Variants in SMAP1 observed in about 807,000 individuals in gnomAD.
The protein encoded by SMAP1 is stromal membrane-associated protein 1.
In SMAP1, 24 loss-of-function variants were observed where a neutral mutation model predicts 58.5. The ratio of observed to expected loss-of-function variants is 0.41; its 90% CI spans 0.30 to 0.58. SMAP1 has a LOEUF of 0.58. SMAP1 is among the 20% of genes least tolerant of loss of function. The pLI is 0.29. For synonymous variants in SMAP1, 216 were observed against 196.6 expected (o/e 1.10, Z -0.82); for missense variants, 563 against 566.3 (o/e 0.99, Z 0.06).
intron 1 of SMAP1, among the ~76,000 whole-genome samples, chr6:70,677,559 C>T (rs1484198800): frequency 6.7e-6 from 1 of 149,602 alleles, no homozygotes. Context: ...GCTGGTACTA[C>T]AGGCGCCCGC....
chr6:70,839,173 C>G (rs1221705611), intron 7 of SMAP1, among the ~76,000 whole-genome samples: 2 of 152,198 alleles, frequency 1.3e-5, no homozygotes, highest in Non-Finnish European at 2.9e-5. Flanking sequence ...TGTGGGTCAG[C>G]TAGGGCAGCT....
intron 7 of SMAP1, among the ~76,000 whole-genome samples, chr6:70,845,087 CAA>C (rs1770939298): frequency 6.6e-6 from 1 of 152,026 alleles, no homozygotes; most frequent in Non-Finnish European, 1.5e-5. Context: ...CATGCTCAGT[CAA>C]AAATGGTAAT....
intron 7 of SMAP1, among the ~76,000 whole-genome samples, chr6:70,849,114 A>G (rs994180803): frequency 6.6e-6 from 1 of 152,200 alleles, no homozygotes; most frequent in Non-Finnish European, 1.5e-5. Context: ...GCTCATCACA[A>G]GGATGCTCTG....
At chr6:70,701,904 T>C (rs1767645224) in intron 1 of SMAP1, among the ~76,000 whole-genome samples, 1 of 152,228 alleles carries the variant, frequency 6.6e-6, no homozygotes, top group Non-Finnish European at 1.5e-5. Context: ...TTGGTTCTGT[T>C]TGTTCATCTT....
intron 1 of SMAP1, among the ~76,000 whole-genome samples, chr6:70,703,718 T>C (rs758987655): frequency 6.6e-6 from 1 of 152,224 alleles, no homozygotes; most frequent in Non-Finnish European, 1.5e-5. Context: ...AAATATTCAG[T>C]GATGACTTTT....
At chr6:70,727,432 C>T (rs1186742227) in intron 1 of SMAP1, among the ~76,000 whole-genome samples, 1 of 152,148 alleles carries the variant, frequency 6.6e-6, no homozygotes, top group East Asian at 1.9e-4. Context: ...CATCAAATGC[C>T]ACTGTCTCTA....
chr6:70,717,251 G>A (rs1192165023), intron 1 of SMAP1, among the ~76,000 whole-genome samples: 4 of 152,192 alleles, frequency 2.6e-5, no homozygotes, highest in African/African-American at 9.7e-5. Flanking sequence ...TCCACACTAA[G>A]CTGGAGAGAG....
chr6:70,771,537 G>A (rs1280351871), intron 3 of SMAP1, among the ~76,000 whole-genome samples: 13 of 152,210 alleles, frequency 8.5e-5, no homozygotes, highest in Admixed American at 8.5e-4. Context: ...GACTCCGGGG[G>A]CGTAGGACCC....
chr6:70,850,008 A>C (rs182010052), intron 7 of SMAP1, among the ~76,000 whole-genome samples: 26 of 152,344 alleles, frequency 1.7e-4, no homozygotes, highest in African/African-American at 6.3e-4. Flanking sequence ...AAGACTTCAG[A>C]AACCAAGTAA....
At chr6:70,814,500 C>G (rs1053890141) in intron 6 of SMAP1, among the ~76,000 whole-genome samples, 1 of 152,094 alleles carries the variant, frequency 6.6e-6, no homozygotes, top group Non-Finnish European at 1.5e-5. Context: ...TTGAAACTTT[C>G]CCTTTTAGAT....
At chr6:70,797,672 A>G (rs942586950) in intron 5 of SMAP1, among the ~76,000 whole-genome samples, 2 of 152,084 alleles carry the variant, frequency 1.3e-5, no homozygotes, top group Non-Finnish European at 2.9e-5. Flanking sequence ...CAAATGGCAG[A>G]TTTACTTTGA....
chr6:70,725,653 A>G (rs1000793650), intron 1 of SMAP1, among the ~76,000 whole-genome samples: 3 of 152,166 alleles, frequency 2.0e-5, no homozygotes, highest in Non-Finnish European at 2.9e-5. Flanking sequence ...GGCATCCACT[A>G]CTATGATGCT....
intron 6 of SMAP1, among the ~76,000 whole-genome samples, chr6:70,821,716 A>T (rs989134396): frequency 1.1e-4 from 17 of 152,306 alleles, no homozygotes; most frequent in African/African-American, 3.8e-4. Context: ...AGATGATAGT[A>T]ACTTTATTTT....
chr6:70,677,407 TCTTGAATCCCATAC>T (rs1462520807), intron 1 of SMAP1, among the ~76,000 whole-genome samples: 40 of 149,714 alleles, frequency 2.7e-4, no homozygotes, highest in Non-Finnish European at 1.8e-4. Context: ...CTGTGTTCTT[TCTTGAATCCCATAC>T]CTTGTCACTT....
chr6:70,722,553 A>G (rs1002788054), intron 1 of SMAP1, among the ~76,000 whole-genome samples: 3 of 152,250 alleles, frequency 2.0e-5, no homozygotes, highest in African/African-American at 7.2e-5. Context: ...AAAGACACAC[A>G]GACAGAAATA....
At chr6:70,719,490 C>G (rs186697041) in intron 1 of SMAP1, among the ~76,000 whole-genome samples, 150 of 152,196 alleles carry the variant, frequency 9.9e-4, no homozygotes, top group Non-Finnish European at 1.9e-3. Flanking sequence ...TCTCTTTGTC[C>G]TTTATATATG....
Position 70,861,641 on chromosome 6 carries a change from C to T in SMAP1, c.*1307C>T, listed in dbSNP as rs1472447554. On this transcript the variant is annotated 3_prime_UTR_variant, in exon 11 of 11. Transcript: ENST00000370455. ...CATATGGATCCACTGGCTGGACAAA[C>T]TGCACCAGTTGCTGCTTCAATTTAT... is the stretch of plus-strand genomic sequence containing the variant. The T allele has an allele frequency of 1.9e-6, 3 of 1,606,484 alleles. No individual in the cohort carries two copies. The highest frequency in any genetic ancestry group is 1.7e-6 in the Non-Finnish European group (2 of 1,173,720).
intron 1 of SMAP1, among the ~76,000 whole-genome samples, chr6:70,670,952 C>A (rs1766238565): frequency 6.6e-6 from 1 of 152,218 alleles, no homozygotes; most frequent in Non-Finnish European, 1.5e-5. Flanking sequence ...GCTCTTGATC[C>A]TGCTCTTACC....
intron 9 of SMAP1, 78 bp downstream of exon 9, chr6:70,857,108 A>T: frequency 7.3e-7 from 1 of 1,369,028 alleles, no homozygotes; most frequent in Non-Finnish European, 9.8e-7. Flanking sequence ...GATCAATTAT[A>T]TATCTTTTAT....
Sources: gnomAD v4.1 joint callset for allele counts (sites outside exome capture counted in the v4.1 genomes callset) on GRCh38, gnomAD v4.1.1 for gene constraint, MANE v1.5 for transcripts, NCBI Gene and HGNC (gene_info 2026-07-23, HGNC 2026-07-21) for gene names.